GRID2IP: variants seen among roughly 807,000 people sequenced by gnomAD.
GRID2IP encodes the protein delphilin.
In GRID2IP, 78 loss-of-function variants were observed where a neutral mutation model predicts 114.3. The observed-to-expected ratio is 0.68, with a 90% CI of 0.57 to 0.82. The LOEUF is 0.82. Ranked by LOEUF, GRID2IP falls within the 40% of genes least tolerant of loss-of-function variation. The pLI, the probability that GRID2IP is intolerant of heterozygous loss-of-function variation, is 0.00. For synonymous variants in GRID2IP, 809 were observed against 724.0 expected, an observed-to-expected ratio of 1.12 and a Z score of -1.89; for missense variants, 1,727 against 1,678.5, an observed-to-expected ratio of 1.03 and a Z score of -0.51.
Position 6,509,791 on chromosome 7 carries a change from C to G in GRID2IP, c.1772-478G>C, listed in dbSNP as rs1223028915. Among the ~76,000 whole-genome samples the G allele has an allele frequency of 1.3e-5, 2 of 152,194 alleles. No individual in the cohort carries two copies. Among genetic ancestry groups the G allele is most frequent in the Non-Finnish European group, 2.9e-5 (2 of 68,020 alleles). On this transcript the variant is annotated intron_variant, in intron 11 of 21. Coordinates refer to ENST00000457091, the MANE Select transcript of GRID2IP (RefSeq NM_001145118.2). The surrounding 1 kb of genome is among the most constrained non-coding windows in gnomAD (Gnocchi z 4.9). ...TGATCATTTATCCAATAACCACTTG[C>G]TAACTCGGGGACTTCCTCAGAATCA...
chr7:6,510,426 G>T, intron 10 of GRID2IP, 26 bp from the exon 11 acceptor site: 1 of 1,471,892 alleles, frequency 6.8e-7, no homozygotes, highest in East Asian at 2.5e-5. Context: ...GGAGAGTCCA[G>T]CCCATTCTGC....
rs1450615797 is a variant in GRID2IP at position 6,526,370 on chromosome 7, G to A, written c.834-61C>T. 6.6e-7 allele frequency: 1 copy of A among 1,515,486 alleles called. No homozygotes were observed. The highest frequency in any genetic ancestry group is 1.7e-4 in the Middle Eastern group (1 of 5,952). 93.9% of individuals were successfully genotyped at this position (1,515,486 alleles called of 1,614,324 possible). The stretch of plus-strand genomic sequence containing the variant: ...GAGGGGGCCCTGGGGCGCAGAGGTT[G>A]GAGATGTCCCGTGTCCCTCTCCCCT... On this transcript the variant is annotated intron_variant, in intron 3 of 21. Transcript: ENST00000457091. This position sits in a 1 kb window ranked among gnomAD's most constrained non-coding sequence, Gnocchi z 7.6.
rs368749327 is a variant in GRID2IP at position 6,511,899 on chromosome 7, GTCTCTTTC to G, written c.1424-868_1424-861del. ...CTCTTTCTCTCTTTTCTCTCTCTCT[GTCTCTTTC>G]TCTCTTTCTCTCTTTATTTATTCAG... is the stretch of plus-strand genomic sequence containing the variant. On this transcript the variant is annotated intron_variant, in intron 8 of 21. Coordinates refer to ENST00000457091, the MANE Select transcript of GRID2IP (RefSeq NM_001145118.2). Among the ~76,000 whole-genome samples, 589 of 148,448 alleles carry G rather than the reference GTCTCTTTC, an allele frequency of 4.0e-3. 5 individuals carry two copies. Among genetic ancestry groups the G allele is most frequent in the African/African-American group, 0.013 (525 of 40,108 alleles).
intron 4 of GRID2IP, among the ~76,000 whole-genome samples, chr7:6,525,984 G>A (rs1018407667): frequency 3.9e-5 from 6 of 152,164 alleles, no homozygotes; most frequent in Non-Finnish European, 2.9e-5. Context: ...AGGGGCAGGG[G>A]TGGGGTGCCC....
chr7:6,550,976 T>TGCCCC, intron 1 of GRID2IP, 32 bp downstream of exon 1: 3 of 1,015,788 alleles, frequency 3.0e-6, no homozygotes, highest in African/African-American at 1.7e-5. Context: ...GCCCCCTCCT[T>TGCCCC]CCCGCCCCCA....
At chr7:6,518,169 G>T (rs1779347542) in intron 7 of GRID2IP, among the ~76,000 whole-genome samples, 1 of 151,970 alleles carries the variant, frequency 6.6e-6, no homozygotes, top group South Asian at 2.1e-4. Context: ...GTTCGAGGCT[G>T]CAGTGAGCTG....
In GRID2IP at chr7:6,528,705, G is replaced by C. The variant is rs1326562660; in HGVS notation, c.585-1936C>G. Among the ~76,000 whole-genome samples, 1 of 152,068 alleles carries C rather than the reference G, an allele frequency of 6.6e-6. No homozygotes were observed. Among genetic ancestry groups the C allele is most frequent in the Non-Finnish European group, 1.5e-5 (1 of 68,008 alleles). ...GGGTAGGAGTAATTAGGCCCGCCAG[G>C]CAAAAGAAATTGCCTGGTGGGAGGA... On this transcript the variant is annotated intron_variant, in intron 2 of 21. Transcript: ENST00000457091. The surrounding 1 kb of genome is among the most constrained non-coding windows in gnomAD (Gnocchi z 6.0).
Position 6,498,188 on chromosome 7 carries a change from T to TC in GRID2IP, c.3439dup (p.Asp1147GlyfsTer28). The TC allele has an allele frequency of 6.4e-7, 1 of 1,550,418 alleles. No homozygotes were observed. The highest frequency in any genetic ancestry group is 8.7e-7 in the Non-Finnish European group (1 of 1,146,678). On this transcript the variant is annotated frameshift_variant, in exon 21 of 22. Coordinates refer to ENST00000457091, the MANE Select transcript of GRID2IP (RefSeq NM_001145118.2). LOFTEE classifies it high-confidence loss of function. ...CTCCATGGCCTCGCGCTGCAGCCCG[T>TC]CGAGCGCCCGAAGTGCTGGCTGGGC...
At chr7:6,512,574 G>T (rs1450952350) in intron 8 of GRID2IP, among the ~76,000 whole-genome samples, 1 of 150,590 alleles carries the variant, frequency 6.6e-6, no homozygotes, top group Non-Finnish European at 1.5e-5. Flanking sequence ...GTAGTGGTGC[G>T]ATCTCAGCTC....
chr7:6,506,772 G>T lies in GRID2IP; in HGVS notation c.2545-865C>A, dbSNP rs1436335238. Among the ~76,000 whole-genome samples the T allele has an allele frequency of 2.7e-5, 4 of 150,038 alleles. No individual in the cohort carries two copies. The East Asian group carries it at 7.8e-4, about 29-fold the overall frequency. Reference sequence around the variant, plus strand: ...TCTTGGCTCACTGCAACCTCCACCTGTGGGAATCAAGTGATTCTCCCTCTT... The same window carrying T: ...TCTTGGCTCACTGCAACCTCCACCTTTGGGAATCAAGTGATTCTCCCTCTT... On this transcript the variant is annotated intron_variant, in intron 13 of 21. Coordinates refer to ENST00000457091, the MANE Select transcript of GRID2IP (RefSeq NM_001145118.2). This position sits in a 1 kb window ranked among gnomAD's most constrained non-coding sequence, Gnocchi z 5.2.
At position 6,497,268 on chromosome 7, in the gene GRID2IP, T is replaced by C. The variant is rs1187238532; in HGVS notation, c.*506A>G. ...CCAGGCTTCTCTCTTCCTGTGTCCC[T>C]GAAGCCAGCTTCCAAGGCCCAGGCT... On this transcript the variant is annotated 3_prime_UTR_variant, in exon 22 of 22. Transcript: ENST00000457091. Among the ~76,000 whole-genome samples, 1 of 152,228 alleles carries C rather than the reference T, an allele frequency of 6.6e-6. No individual in the cohort carries two copies. The highest frequency in any genetic ancestry group is 1.5e-5 in the Non-Finnish European group (1 of 68,036).
Position 6,509,532 on chromosome 7 carries a change from G to C in GRID2IP, c.1772-219C>G, listed in dbSNP as rs1397989503. Among the ~76,000 whole-genome samples, 1 of 152,152 alleles carries C rather than the reference G, an allele frequency of 6.6e-6. No individual in the cohort carries two copies. The highest frequency in any genetic ancestry group is 1.5e-5 in the Non-Finnish European group (1 of 68,004). On this transcript the variant is annotated intron_variant, in intron 11 of 21. Transcript: ENST00000457091. The surrounding 1 kb of genome is among the most constrained non-coding windows in gnomAD (Gnocchi z 4.9). ...GGAGCACTGCTCGGCCTCAGGACAG[G>C]CTGGACGCCAGCTCACCTTGGAATG...
chr7:6,526,787 G>T lies in GRID2IP; in HGVS notation c.585-18C>A. On this transcript the variant is annotated intron_variant, in intron 2 of 21. Coordinates refer to ENST00000457091, the MANE Select transcript of GRID2IP (RefSeq NM_001145118.2). The surrounding 1 kb of genome is among the most constrained non-coding windows in gnomAD (Gnocchi z 7.6). ...TGAAGATCCTGCCGGCGAGGACGGC[G>T]GAGTCGGGGCGCGTTCCCGGACCCC... 1.3e-6 allele frequency: 2 copies of T among 1,496,902 alleles called. No individual in the cohort carries two copies. Among genetic ancestry groups the T allele is most frequent in the South Asian group, 2.5e-5 (2 of 81,006 alleles). The allele number at this position is 1,496,902 out of a possible 1,614,324, so 92.7% of individuals were successfully genotyped here. A position where few individuals can be genotyped will look rare whatever the true frequency, so the allele number is the denominator to read the frequency against.
Position 6,508,521 on chromosome 7 carries a change from C to T in GRID2IP, c.2128-120G>A. On this transcript the variant is annotated intron_variant, in intron 12 of 21. Transcript: ENST00000457091. The surrounding 1 kb of genome is among the most constrained non-coding windows in gnomAD (Gnocchi z 5.6). Reference sequence around the variant, plus strand: ...AGGACAGGGCCATCTCACGGGTTAGCCTCAGGCTGTGAGGGACACCTGGGC... The same window carrying T: ...AGGACAGGGCCATCTCACGGGTTAGTCTCAGGCTGTGAGGGACACCTGGGC... 1 of 1,479,080 alleles carries T rather than the reference C, an allele frequency of 6.8e-7. No homozygotes were observed. The highest frequency in any genetic ancestry group is 9.0e-7 in the Non-Finnish European group (1 of 1,108,716). The allele number at this position is 1,479,080 out of a possible 1,614,324, so 91.6% of individuals were successfully genotyped here. A position where few individuals can be genotyped will look rare whatever the true frequency, so the allele number is the denominator to read the frequency against.
chr7:6,502,518 T>G (rs1433758199), intron 18 of GRID2IP, among the ~76,000 whole-genome samples: 1 of 152,052 alleles, frequency 6.6e-6, no homozygotes, highest in Admixed American at 6.6e-5. Context: ...CCCAGCCCAA[T>G]CCCCAGCCTT....
intron 1 of GRID2IP, among the ~76,000 whole-genome samples, chr7:6,548,992 G>A (rs947861005): frequency 2.6e-5 from 4 of 151,850 alleles, no homozygotes; most frequent in African/African-American, 9.7e-5. Context: ...GTCGCACACA[G>A]GATCACTTTT....
chr7:6,504,410 G>A (rs1166005145), intron 15 of GRID2IP, among the ~76,000 whole-genome samples: 1 of 152,034 alleles, frequency 6.6e-6, no homozygotes, highest in Non-Finnish European at 1.5e-5. Flanking sequence ...CCGGGGCAGG[G>A]GCGGGCCCTG....
At chr7:6,549,798 T>A (rs1181407290) in intron 1 of GRID2IP, among the ~76,000 whole-genome samples, 2 of 151,510 alleles carry the variant, frequency 1.3e-5, no homozygotes, top group African/African-American at 4.8e-5. Context: ...GTTTTTTTTT[T>A]TTTTATATTT....
Position 6,503,480 on chromosome 7 carries a change from G to T in GRID2IP, c.2907+11C>A. The stretch of plus-strand genomic sequence containing the variant: ...GGCCGAGGCCTCGGGGCGGGGTTGT[G>T]GTCGCGGCACCTGCAGGACGAACTG... On this transcript the variant is annotated intron_variant, in intron 16 of 21. Coordinates refer to ENST00000457091, the MANE Select transcript of GRID2IP (RefSeq NM_001145118.2). 6.6e-7 allele frequency: 1 copy of T among 1,516,026 alleles called. No individual in the cohort carries two copies. Among genetic ancestry groups the T allele is most frequent in the South Asian group, 1.2e-5 (1 of 82,556 alleles). The allele number at this position is 1,516,026 out of a possible 1,614,324, so 93.9% of individuals were successfully genotyped here.
Sources: gnomAD v4.1 joint callset for allele counts (sites outside exome capture counted in the v4.1 genomes callset) on GRCh38, gnomAD v4.1.1 for gene constraint, Gnocchi (gnomAD v3.1) non-coding constraint, MANE v1.5 for transcripts, NCBI Gene and HGNC (gene_info 2026-07-23, HGNC 2026-07-21) for gene names.